Variants in MSMB observed in about 807,000 individuals in gnomAD.
The protein encoded by MSMB is beta-microseminoprotein.
A neutral mutation model predicts 10.5 loss-of-function variants in MSMB; 10 were observed. The observed-to-expected ratio is 0.95, with a 90% CI of 0.59 to 1.62. The LOEUF is 1.62. Among genes scored for constraint, MSMB ranks in the 40% most tolerant of loss-of-function variants. MSMB has a pLI of 0.00. For synonymous variants in MSMB, 43 were observed against 46.5 expected (o/e 0.93, Z 0.30); for missense variants, 126 against 137.4 (o/e 0.92, Z 0.42).
chr10:46,042,154 A>G (rs1437987139), intron 1 of MSMB, among the ~76,000 whole-genome samples: 2 of 152,238 alleles, frequency 1.3e-5, no homozygotes, highest in African/African-American at 4.8e-5. Context: ...ATTTGAGAAT[A>G]TAAACGTCAT....
intron 1 of MSMB, among the ~76,000 whole-genome samples, chr10:46,041,235 C>T (rs1187846114): frequency 6.6e-6 from 1 of 151,550 alleles, no homozygotes; most frequent in Admixed American, 6.6e-5. Context: ...ATCCCAGGTA[C>T]TCGGGAGGCT....
chr10:46,046,216 T>C lies in MSMB; in HGVS notation c.3+19A>G. ...CTCTTTTGCTTTTCTAGCCTTTATA[T>C]ATAAAACCAGTTACCTACCATTGTG... On this transcript the variant is annotated intron_variant, in intron 1 of 3. Coordinates refer to ENST00000582163, the MANE Select transcript of MSMB (RefSeq NM_002443.4). 6.2e-7 allele frequency: 1 copy of C among 1,609,158 alleles called. No individual in the cohort carries two copies. The highest frequency in any genetic ancestry group is 8.5e-7 in the Non-Finnish European group (1 of 1,175,408).
At chr10:46,044,995 G>A (rs1291813492) in intron 1 of MSMB, among the ~76,000 whole-genome samples, 6 of 151,884 alleles carry the variant, frequency 4.0e-5, no homozygotes, top group Admixed American at 2.6e-4. Flanking sequence ...TTCTGCCTCC[G>A]GACAGTTTCT....
intron 1 of MSMB, 80 bp from the exon 2 acceptor site, chr10:46,040,171 C>T: frequency 8.4e-7 from 1 of 1,197,504 alleles, no homozygotes; most frequent in Non-Finnish European, 1.2e-6. Flanking sequence ...GTACCAGGAT[C>T]TCGGCTGGGC....
chr10:46,046,205 T>C (rs782118251), intron 1 of MSMB, 30 bp downstream of exon 1: 89 of 1,604,502 alleles, frequency 5.5e-5, no homozygotes, highest in Non-Finnish European at 7.5e-5. Flanking sequence ...TTTGCTTTTC[T>C]AGCCTTTATA....
At chr10:46,042,284 A>C (rs1840772229) in intron 1 of MSMB, among the ~76,000 whole-genome samples, 1 of 152,214 alleles carries the variant, frequency 6.6e-6, no homozygotes, top group South Asian at 2.1e-4. Flanking sequence ...GGCATTTCAC[A>C]CACAGACACA....
At position 46,039,536 on chromosome 10, in the gene MSMB, A is replaced by G. The variant is rs4517463; in HGVS notation, c.109+450T>C. ...CATGTCTCAGCCTTACCCTAGAACA[A>G]TGAAATCAGTATCTCTGGGTACAGG... On this transcript the variant is annotated intron_variant, in intron 2 of 3. Coordinates refer to ENST00000582163, the MANE Select transcript of MSMB (RefSeq NM_002443.4). Among the ~76,000 whole-genome samples the G allele has an allele frequency of 1.8e-4, 27 of 152,240 alleles. No individual in the cohort carries two copies. The East Asian group carries it at 3.7e-3, about 21-fold the overall frequency.
intron 1 of MSMB, among the ~76,000 whole-genome samples, chr10:46,042,229 A>G (rs1840771360): frequency 1.3e-5 from 2 of 152,198 alleles, no homozygotes; most frequent in African/African-American, 2.4e-5. Flanking sequence ...TACCAATGGG[A>G]GAAGAAAAAC....
chr10:46,033,546 G>C lies in MSMB; in HGVS notation c.221C>G (p.Ser74Cys). The C allele has an allele frequency of 6.2e-7, 1 of 1,613,496 alleles. No individual in the cohort carries two copies. Among genetic ancestry groups the C allele is most frequent in the South Asian group, 1.1e-5 (1 of 91,082 alleles). Residue 74 changes from serine (S) to cysteine (C), a missense_variant, in exon 4 of 4, where the codon TCT becomes TGT. By Grantham distance (112) the Ser-to-Cys change is moderately radical (BLOSUM62 -1). Coordinates refer to ENST00000582163, the MANE Select transcript of MSMB (RefSeq NM_002443.4). Reference sequence around the variant, plus strand: ...GTCTTTGTCATAACCCACAGGTGTAGAAACACTGTCATTGAGACAAAACTG... The same window carrying C: ...GTCTTTGTCATAACCCACAGGTGTACAAACACTGTCATTGAGACAAAACTG... Reference protein sequence around the residue: ...ETEISCCTLVSTPVGYDKDNC... With the variant: ...ETEISCCTLVCTPVGYDKDNC...
intron 1 of MSMB, 85 bp downstream of exon 1, chr10:46,046,150 T>C (rs189688891): frequency 2.0e-4 from 267 of 1,343,308 alleles, no homozygotes; most frequent in Non-Finnish European, 2.7e-4. Context: ...TTCAATGCTA[T>C]GTGGTAGAAG....
chr10:46,043,682 TG>T lies in MSMB; in HGVS notation c.3+2552del, dbSNP rs1455925305. On this transcript the variant is annotated intron_variant, in intron 1 of 3. Transcript: ENST00000582163. ...GTTTTGTTTTGTTTGTCTGTTTGTT[TG>T]TTTCTTTTTGGGACGGAATCTCGTT... 2.6e-3 allele frequency among the ~76,000 whole-genome samples: 394 copies of T among 152,248 alleles called. 2 individuals are homozygous for T. The highest frequency in any genetic ancestry group is 9.2e-3 in the African/African-American group (381 of 41,524).
chr10:46,041,076 G>A (rs1330876581), intron 1 of MSMB, among the ~76,000 whole-genome samples: 1 of 152,218 alleles, frequency 6.6e-6, no homozygotes, highest in African/African-American at 2.4e-5. Flanking sequence ...AGGCGTGGTG[G>A]CTCATGCCTG....
chr10:46,041,352 A>C (rs1840747835), intron 1 of MSMB, among the ~76,000 whole-genome samples: 1 of 87,226 alleles, frequency 1.1e-5, no homozygotes, highest in Non-Finnish European at 2.1e-5. Context: ...CTCAAAAAAA[A>C]AAAAAAAAAA....
At chr10:46,039,934 T>A (rs782129166) in intron 2 of MSMB, 52 bp downstream of exon 2, 4 of 1,330,514 alleles carry the variant, frequency 3.0e-6, no homozygotes, top group Non-Finnish European at 4.3e-6. Flanking sequence ...TGCAGACAGG[T>A]CCATCTACCA....
intron 1 of MSMB, among the ~76,000 whole-genome samples, chr10:46,044,333 T>C (rs566678237): frequency 6.6e-6 from 1 of 151,650 alleles, no homozygotes; most frequent in Admixed American, 6.6e-5. Context: ...TCCCAGCACT[T>C]TGGGAGGCCG....
At chr10:46,043,435 G>GTCTCTCTCTCTC (rs149445497) in intron 1 of MSMB, among the ~76,000 whole-genome samples, 61 of 124,482 alleles carry the variant, frequency 4.9e-4, no homozygotes, top group Non-Finnish European at 7.8e-4. Flanking sequence ...CTCCCTTTCT[G>GTCTCTCTCTCTC]TCTCTCTCTC....
chr10:46,039,137 T>A, intron 2 of MSMB, 66 bp from the exon 3 acceptor site: 4 of 1,363,030 alleles, frequency 2.9e-6, no homozygotes, highest in East Asian at 2.4e-5. Context: ...ATCAGGACAT[T>A]GAGTCCTGCC....
At chr10:46,034,942 C>T (rs1168014042) in intron 3 of MSMB, among the ~76,000 whole-genome samples, 12 of 151,978 alleles carry the variant, frequency 7.9e-5, no homozygotes, top group Non-Finnish European at 1.3e-4. Context: ...AGTTTGAGAC[C>T]AGCTTGGGCA....
chr10:46,040,770 C>T (rs1174901918), intron 1 of MSMB, among the ~76,000 whole-genome samples: 1 of 151,982 alleles, frequency 6.6e-6, no homozygotes, highest in South Asian at 2.1e-4. Context: ...CTGGCTAACA[C>T]GGTGAAACCC....
Sources: allele counts gnomAD v4.1 joint callset (sites outside exome capture counted in the v4.1 genomes callset), GRCh38; gene constraint gnomAD v4.1.1; transcripts MANE v1.5; gene names NCBI Gene and HGNC (gene_info 2026-07-23, HGNC 2026-07-21).